Variants in EDIL3 observed in about 807,000 individuals in gnomAD.
EDIL3 encodes EGF-like repeat and discoidin I-like domain-containing protein 3.
EDIL3 carries 37 observed loss-of-function variants against 67.4 expected under a neutral mutation model. The observed-to-expected ratio is 0.55, with a 90% confidence interval of 0.42 to 0.72. EDIL3 has a LOEUF of 0.72. Among genes scored for constraint, EDIL3 ranks in the 30% least tolerant of loss-of-function variants. The probability of loss-of-function intolerance (pLI) is 0.00; values close to 1 mark genes in which losing one functional copy is unlikely to be tolerated. For synonymous variants in EDIL3, 195 were observed against 196.3 expected, an observed-to-expected ratio of 0.99 and a Z score of 0.05; for missense variants, 527 against 586.3, an observed-to-expected ratio of 0.90 and a Z score of 1.04.
chr5:84,372,508 G>T (rs1307772510), intron 1 of EDIL3, among the ~76,000 whole-genome samples: 1 of 152,126 alleles, frequency 6.6e-6, no homozygotes, highest in Admixed American at 6.6e-5. Flanking sequence ...CCTAAACTAT[G>T]CAGACTTCAA....
chr5:84,125,365 C>G (rs1277292380), intron 5 of EDIL3, among the ~76,000 whole-genome samples: 1 of 151,942 alleles, frequency 6.6e-6, no homozygotes, highest in Non-Finnish European at 1.5e-5. Context: ...TGCAAAATGT[C>G]TAAGTTTTTA....
At chr5:84,222,287 T>C (rs17206271) in intron 3 of EDIL3, among the ~76,000 whole-genome samples, 21,209 of 151,944 alleles carry the variant, frequency 0.14, 1,904 homozygotes, top group Middle Eastern at 0.23. Context: ...TCTTTACTAC[T>C]GCTAGCCCAT....
intron 4 of EDIL3, among the ~76,000 whole-genome samples, chr5:84,161,480 T>A (rs1043214260): frequency 6.6e-6 from 1 of 152,036 alleles, no homozygotes; most frequent in African/African-American, 2.4e-5. Flanking sequence ...TCACAGTCTA[T>A]AATATTTCAA....
intron 4 of EDIL3, among the ~76,000 whole-genome samples, chr5:84,169,332 C>T (rs1748768109): frequency 6.6e-6 from 1 of 152,018 alleles, no homozygotes; most frequent in Admixed American, 6.6e-5. Flanking sequence ...TTACAAACTA[C>T]AGTATAAAAA....
chr5:84,288,283 C>T (rs573280878), intron 1 of EDIL3, among the ~76,000 whole-genome samples: 75 of 152,262 alleles, frequency 4.9e-4, no homozygotes, highest in African/African-American at 1.6e-3. Context: ...TTTCTCACCC[C>T]TACACTTCTA....
chr5:84,239,516 G>T (rs1744754414), intron 2 of EDIL3, among the ~76,000 whole-genome samples: 1 of 151,880 alleles, frequency 6.6e-6, no homozygotes, highest in Non-Finnish European at 1.5e-5. Context: ...GTATACATGT[G>T]CCAGCACATG....
intron 6 of EDIL3, among the ~76,000 whole-genome samples, chr5:84,101,549 G>T (rs1747366197): frequency 6.6e-6 from 1 of 151,986 alleles, no homozygotes; most frequent in Non-Finnish European, 1.5e-5. Flanking sequence ...GAACACCTCT[G>T]TGCACACAAA....
intron 5 of EDIL3, among the ~76,000 whole-genome samples, chr5:84,132,412 A>T (rs1747996002): frequency 8.9e-6 from 1 of 112,894 alleles, no homozygotes; most frequent in South Asian, 2.4e-4. Context: ...ATATTTTAAC[A>T]TATATTATAT....
At chr5:84,132,417 T>TATTTTATATATAATATATATTTTAACA (rs1561440686) in intron 5 of EDIL3, among the ~76,000 whole-genome samples, 1 of 116,198 alleles carries the variant, frequency 8.6e-6, no homozygotes, top group African/African-American at 3.8e-5. Flanking sequence ...TTAACATATA[T>TATTTTATATATAATATATATTTTAACA]TATATATTTT....
intron 1 of EDIL3, among the ~76,000 whole-genome samples, chr5:84,335,044 ACG>A (rs1228882572): frequency 6.6e-6 from 1 of 152,016 alleles, no homozygotes; most frequent in African/African-American, 2.4e-5. Flanking sequence ...ATTTCACTAA[ACG>A]CTTTACATAT....
At chr5:84,128,241 G>A (rs1254566147) in intron 5 of EDIL3, among the ~76,000 whole-genome samples, 7 of 152,042 alleles carry the variant, frequency 4.6e-5, no homozygotes, top group African/African-American at 9.7e-5. Context: ...TCATGCCATC[G>A]TTTGAAAAAT....
intron 2 of EDIL3, among the ~76,000 whole-genome samples, chr5:84,245,793 A>T (rs552780965): frequency 8.5e-5 from 13 of 152,174 alleles, no homozygotes; most frequent in Middle Eastern, 3.4e-3. Context: ...CATTTTCATA[A>T]GTGTATAGAA....
chr5:84,212,460 A>C (rs1744142982), intron 3 of EDIL3, among the ~76,000 whole-genome samples: 1 of 152,200 alleles, frequency 6.6e-6, no homozygotes, highest in Admixed American at 6.5e-5. Context: ...TCACAGAAAC[A>C]TGATTTACTT....
intron 3 of EDIL3, among the ~76,000 whole-genome samples, chr5:84,181,904 G>A (rs1749020316): frequency 6.6e-6 from 1 of 152,132 alleles, no homozygotes; most frequent in Admixed American, 6.6e-5. Context: ...TATTAGAAAA[G>A]GAAAGCAAGG....
chr5:84,262,659 G>GTGTTTTTTTTTTT (rs1745250482), intron 1 of EDIL3, among the ~76,000 whole-genome samples: 2 of 46,310 alleles, frequency 4.3e-5, no homozygotes, highest in African/African-American at 8.7e-5. Context: ...AGGTTGGTTG[G>GTGTTTTTTTTTTT]TTTTTTTTTT....
intron 9 of EDIL3, among the ~76,000 whole-genome samples, chr5:84,055,355 C>T (rs1489651958): frequency 6.8e-6 from 1 of 146,180 alleles, no homozygotes; most frequent in Non-Finnish European, 1.5e-5. Flanking sequence ...CATAAAAACC[C>T]GAGAAGAAAA....
At chr5:84,333,909 G>C (rs890138803) in intron 1 of EDIL3, among the ~76,000 whole-genome samples, 5 of 152,138 alleles carry the variant, frequency 3.3e-5, no homozygotes, top group African/African-American at 1.2e-4. Context: ...TAGGGAAGTA[G>C]AGCAAGGGCC....
At chr5:84,191,391 T>A (rs1743582436) in intron 3 of EDIL3, among the ~76,000 whole-genome samples, 1 of 152,038 alleles carries the variant, frequency 6.6e-6, no homozygotes, top group African/African-American at 2.4e-5. Context: ...TGCACTCATA[T>A]GGGAATGGCA....
intron 1 of EDIL3, among the ~76,000 whole-genome samples, chr5:84,349,027 T>C (rs1747298600): frequency 6.6e-6 from 1 of 152,218 alleles, no homozygotes; most frequent in African/African-American, 2.4e-5. Context: ...TTGCTAATAA[T>C]AGCCTGACAT....
Sources: gnomAD v4.1 joint callset for allele counts (sites outside exome capture counted in the v4.1 genomes callset) on GRCh38, gnomAD v4.1.1 for gene constraint, MANE v1.5 for transcripts, NCBI Gene and HGNC (gene_info 2026-07-23, HGNC 2026-07-21) for gene names.